Variants in STON2 observed in about 807,000 individuals in gnomAD.
STON2 encodes stonin 2.
A neutral mutation model predicts 65.7 loss-of-function variants in STON2; 29 were observed. The observed-to-expected ratio is 0.44, with a 90% CI of 0.33 to 0.60. The LOEUF (loss-of-function observed/expected upper bound fraction) is 0.60, where lower values mean the gene tolerates loss of function less well. STON2 is among the 20% of genes least tolerant of loss of function. The pLI is 0.03. For synonymous variants in STON2, 404 were observed against 414.2 expected, an observed-to-expected ratio of 0.98 and a Z score of 0.30; for missense variants, 1,054 against 1,118.1, an observed-to-expected ratio of 0.94 and a Z score of 0.82.
At position 81,261,960 on chromosome 14, in the gene STON2, AAAG is replaced by A. The variant is rs1040773438; in HGVS notation, c.*6451_*6453del. ...GGGAAATGATAAAAAAAAAAAAAAA[AAAG>A]AGAGAGATGTGAAAAGGAAAAAGAT... On this transcript the variant is annotated 3_prime_UTR_variant, in exon 8 of 8. Transcript: ENST00000614646. 11 of 1,435,818 alleles carry A rather than the reference AAAG, an allele frequency of 7.7e-6. No individual in the cohort carries two copies. Among genetic ancestry groups the A allele is most frequent in the Admixed American group, 6.1e-5 (2 of 32,530 alleles). The allele number at this position is 1,435,818 out of a possible 1,614,324, so 88.9% of individuals were successfully genotyped here. A position where few individuals can be genotyped will look rare whatever the true frequency, so the allele number is the denominator to read the frequency against.
chr14:81,291,389 G>T (rs1895548789), intron 5 of STON2, among the ~76,000 whole-genome samples: 1 of 152,156 alleles, frequency 6.6e-6, no homozygotes, highest in Non-Finnish European at 1.5e-5. Context: ...GATCAAGGCA[G>T]AATGTTCAAC....
At chr14:81,345,568 C>A (rs1897779815) in intron 4 of STON2, among the ~76,000 whole-genome samples, 1 of 152,132 alleles carries the variant, frequency 6.6e-6, no homozygotes, top group Non-Finnish European at 1.5e-5. Context: ...TCGAGACCAG[C>A]CTGGGTAACA....
intron 3 of STON2, among the ~76,000 whole-genome samples, chr14:81,371,566 G>C (rs938340564): frequency 6.6e-6 from 1 of 151,552 alleles, no homozygotes; most frequent in African/African-American, 2.4e-5. Flanking sequence ...ATGGTGGCTG[G>C]AGCCCGTAGT....
chr14:81,409,991 T>C (rs569846844), intron 2 of STON2, among the ~76,000 whole-genome samples: 20 of 152,308 alleles, frequency 1.3e-4, no homozygotes, highest in African/African-American at 4.1e-4. Flanking sequence ...TTTTTTATCT[T>C]TGTTTTGTTT....
intron 5 of STON2, among the ~76,000 whole-genome samples, chr14:81,288,957 A>G (rs1418189773): frequency 6.7e-6 from 1 of 150,284 alleles, no homozygotes; most frequent in Non-Finnish European, 1.5e-5. Context: ...TAATGCCCAC[A>G]CTCTTACTGT....
chr14:81,334,665 T>C (rs1338306627), intron 4 of STON2, among the ~76,000 whole-genome samples: 1 of 152,148 alleles, frequency 6.6e-6, no homozygotes, highest in Non-Finnish European at 1.5e-5. Context: ...CATTGGCTGT[T>C]GTTACTTCTC....
intron 5 of STON2, among the ~76,000 whole-genome samples, chr14:81,292,016 T>G (rs1372493942): frequency 6.6e-6 from 1 of 152,172 alleles, no homozygotes; most frequent in Admixed American, 6.5e-5. Flanking sequence ...GATCTGTTAT[T>G]CCTTTAAACC....
chr14:81,299,481 G>A (rs1895889238), intron 5 of STON2, among the ~76,000 whole-genome samples: 1 of 152,172 alleles, frequency 6.6e-6, no homozygotes, highest in Admixed American at 6.5e-5. Flanking sequence ...CTTAGGCATT[G>A]CAACAAGGCA....
intron 3 of STON2, among the ~76,000 whole-genome samples, chr14:81,386,184 T>C (rs550633168): frequency 2.6e-5 from 4 of 152,258 alleles, no homozygotes; most frequent in Admixed American, 2.6e-4. Flanking sequence ...CAAAGGTCAT[T>C]AACTACATTT....
intron 4 of STON2, among the ~76,000 whole-genome samples, chr14:81,365,560 A>G (rs1247123912): frequency 6.6e-6 from 1 of 152,118 alleles, no homozygotes; most frequent in Non-Finnish European, 1.5e-5. Flanking sequence ...GTTCGAGACC[A>G]AACTGTCCAA....
chr14:81,387,789 C>T (rs953321554), intron 3 of STON2, among the ~76,000 whole-genome samples: 4 of 150,686 alleles, frequency 2.7e-5, no homozygotes, highest in Admixed American at 6.6e-5. Context: ...TAACTCAGGA[C>T]GCTGAGGCAG....
chr14:81,402,075 G>A (rs1183225824), upstream of STON2, among the ~76,000 whole-genome samples: 1 of 152,176 alleles, frequency 6.6e-6, no homozygotes, highest in Non-Finnish European at 1.5e-5. Flanking sequence ...GGTATCTACT[G>A]GGGGAATATG....
At chr14:81,293,346 G>C (rs893302880) in intron 5 of STON2, among the ~76,000 whole-genome samples, 1 of 151,964 alleles carries the variant, frequency 6.6e-6, no homozygotes, top group Non-Finnish European at 1.5e-5. Context: ...ACTGATTTTT[G>C]TATTTTCAGT....
At chr14:81,306,177 A>C (rs1265570786) in intron 5 of STON2, among the ~76,000 whole-genome samples, 2 of 137,726 alleles carry the variant, frequency 1.5e-5, no homozygotes, top group East Asian at 2.1e-4. Context: ...CTATATATAT[A>C]TATATATACA....
intron 5 of STON2, among the ~76,000 whole-genome samples, chr14:81,291,515 C>T (rs965809280): frequency 7.9e-5 from 12 of 152,110 alleles, no homozygotes; most frequent in Admixed American, 3.3e-4. Context: ...TAAGGAGATA[C>T]TCAATTGATC....
chr14:81,426,719 C>G (rs916952382), intron 2 of STON2, among the ~76,000 whole-genome samples: 3 of 152,216 alleles, frequency 2.0e-5, no homozygotes, highest in Non-Finnish European at 2.9e-5. Context: ...TCCTCTGACA[C>G]AGTTTCTCTC....
At chr14:81,418,263 G>A (rs1409361177) in intron 2 of STON2, 1 of 152,482 alleles carries the variant, frequency 6.6e-6, no homozygotes, top group Non-Finnish European at 1.5e-5. Context: ...GAGAGCCTGT[G>A]CATGGGAACT....
intron 3 of STON2, among the ~76,000 whole-genome samples, chr14:81,376,318 C>T (rs4553551): frequency 0.58 from 87,431 of 151,698 alleles, 27,337 homozygotes; most frequent in African/African-American, 0.82. Flanking sequence ...ATACTATATT[C>T]AGAAGGCAAT....
chr14:81,324,165 T>A lies in STON2; in HGVS notation c.594A>T (p.Thr198=), dbSNP rs1194705170. Among the ~76,000 whole-genome samples, 4 of 151,992 alleles carry A rather than the reference T, an allele frequency of 2.6e-5. No individual in the cohort carries two copies. The East Asian group carries it at 7.7e-4, about 29-fold the overall frequency. ...DSTDKRTEWQ[T]GRQTAVSPVQ... ...CAGGACTCACTGCCGTCTGCCTGCC[T>A]GTCTGCCACTCCGTCCTCTTGTCTG... The change falls in exon 5 of 8, where the codon ACA becomes ACT. Residue 198 remains threonine, a synonymous_variant. Transcript: ENST00000614646.
Sources: allele counts gnomAD v4.1 joint callset (sites outside exome capture counted in the v4.1 genomes callset), GRCh38; gene constraint gnomAD v4.1.1; transcripts MANE v1.5; gene names NCBI Gene and HGNC (gene_info 2026-07-23, HGNC 2026-07-21).